The following TRIM24 variants were observed in gnomAD, a reference collection of about 807,000 sequenced individuals.
The protein encoded by TRIM24 is tripartite motif containing 24.
In TRIM24, 29 loss-of-function variants were observed where a neutral mutation model predicts 123.9. The ratio of observed to expected loss-of-function variants is 0.23; its 90% confidence interval spans 0.17 to 0.32. The LOEUF (loss-of-function observed/expected upper bound fraction) is 0.32. Ranked by LOEUF, TRIM24 falls within the 10% of genes least tolerant of loss-of-function variation. The pLI is 1.00. For missense variants in TRIM24, 932 were observed against 1,295.3 expected (o/e 0.72, Z 4.31); for synonymous variants, 456 against 461.1 (o/e 0.99, Z 0.14).
chr7:138,472,977 T>C (rs1186992760), intron 1 of TRIM24, among the ~76,000 whole-genome samples: 1 of 152,104 alleles, frequency 6.6e-6, no homozygotes, highest in African/African-American at 2.4e-5. Context: ...TCCCTTACGA[T>C]GGTTAATAAT....
In TRIM24 at chr7:138,554,603, G is replaced by A; in HGVS notation, c.1262-95G>A. 1.5e-6 allele frequency: 2 copies of A among 1,364,004 alleles called. No individual in the cohort carries two copies. Among genetic ancestry groups the A allele is most frequent in the Non-Finnish European group, 2.0e-6 (2 of 994,014 alleles). 84.5% of individuals were successfully genotyped at this position (1,364,004 alleles called of 1,614,324 possible). On this transcript the variant is annotated intron_variant, in intron 8 of 18. Transcript: ENST00000343526. This position sits in a 1 kb window ranked among gnomAD's most constrained non-coding sequence, Gnocchi z 4.5. The stretch of plus-strand genomic sequence containing the variant: ...GCTCATGAGATCAGAGAATTTCTTG[G>A]CAATTTTGAAGTTCTGCAAAAATAG...
intron 1 of TRIM24, among the ~76,000 whole-genome samples, chr7:138,503,724 C>T (rs1339290390): frequency 6.6e-6 from 1 of 151,650 alleles, no homozygotes; most frequent in Non-Finnish European, 1.5e-5. Context: ...GTGCTGCACC[C>T]GTTAACTGGT....
chr7:138,510,484 C>T (rs760591918), intron 2 of TRIM24, among the ~76,000 whole-genome samples: 16 of 151,984 alleles, frequency 1.1e-4, no homozygotes, highest in Non-Finnish European at 1.2e-4. Context: ...TGCAGTGGCG[C>T]GATCTTGGCT....
rs141918772 is a variant in TRIM24, at chr7:138,526,669, C to T, written c.881+1312C>T. ...TCAGGTGATCTGCCACCTCAGCCTC[C>T]CAAAGCACTGGGATTACAGGCGTGA... On this transcript the variant is annotated intron_variant, in intron 5 of 18. Transcript: ENST00000343526. Among the ~76,000 whole-genome samples the T allele has an allele frequency of 6.6e-5, 10 of 152,254 alleles. No homozygotes were observed. The East Asian group carries it at 1.9e-3, about 29-fold the overall frequency.
intron 9 of TRIM24, among the ~76,000 whole-genome samples, chr7:138,565,590 C>T (rs1457462437): frequency 1.3e-5 from 2 of 152,146 alleles, no homozygotes; most frequent in African/African-American, 2.4e-5. Flanking sequence ...CAATCCCGGG[C>T]GAGCCCCCAG....
intron 7 of TRIM24, chr7:138,545,555 G>T (rs970914181): frequency 1.1e-5 from 5 of 455,954 alleles, no homozygotes; most frequent in Non-Finnish European, 2.2e-5. Flanking sequence ...TGAACTTAGA[G>T]TTTTATTTTT....
rs1460368670 is a variant in TRIM24, at chr7:138,587,844, C to T, written c.*2893C>T. ...TGACCAGTGATATATATGGCCATGGCAAAAGTATAAATGGATGGATGTAGA... is the reference window on the plus strand; with the variant it reads ...TGACCAGTGATATATATGGCCATGGTAAAAGTATAAATGGATGGATGTAGA... On this transcript the variant is annotated 3_prime_UTR_variant, in exon 19 of 19. Coordinates refer to ENST00000343526, the MANE Select transcript of TRIM24 (RefSeq NM_015905.3). 1 of 152,068 alleles carries T rather than the reference C, an allele frequency of 6.6e-6. No individual in the cohort carries two copies. The highest frequency in any genetic ancestry group is 1.9e-4 in the East Asian group (1 of 5,180). 9.4% of individuals were successfully genotyped at this position (152,068 alleles called of 1,614,324 possible).
At chr7:138,486,743 T>C (rs1446411600) in intron 1 of TRIM24, among the ~76,000 whole-genome samples, 1 of 152,194 alleles carries the variant, frequency 6.6e-6, no homozygotes, top group Non-Finnish European at 1.5e-5. Flanking sequence ...ACTGTAGCCT[T>C]GTAGTGTACT....
intron 1 of TRIM24, among the ~76,000 whole-genome samples, chr7:138,482,414 T>A (rs527309730): frequency 1.3e-5 from 2 of 152,320 alleles, no homozygotes; most frequent in South Asian, 4.1e-4. Context: ...ATTGGGATTA[T>A]GAGAAATTGA....
intron 9 of TRIM24, among the ~76,000 whole-genome samples, chr7:138,558,832 G>C (rs1208760474): frequency 6.6e-6 from 1 of 152,204 alleles, no homozygotes; most frequent in Non-Finnish European, 1.5e-5. Context: ...TTTTCCAGTA[G>C]TTTCATATGT....
At chr7:138,499,294 C>A (rs574694008) in intron 1 of TRIM24, among the ~76,000 whole-genome samples, 1 of 152,246 alleles carries the variant, frequency 6.6e-6, no homozygotes, top group Admixed American at 6.5e-5. Context: ...GAAGGATGTT[C>A]ACTGTGTACT....
At chr7:138,463,047 T>G (rs1453749053) in intron 1 of TRIM24, among the ~76,000 whole-genome samples, 3 of 124,764 alleles carry the variant, frequency 2.4e-5, no homozygotes, top group African/African-American at 5.7e-5. Context: ...TTTTGTGTTT[T>G]TTTTTTTTTT....
chr7:138,549,167 A>G (rs1797161256), intron 7 of TRIM24, among the ~76,000 whole-genome samples: 1 of 152,250 alleles, frequency 6.6e-6, no homozygotes, highest in Non-Finnish European at 1.5e-5. Flanking sequence ...TGATGTTACA[A>G]CAGCTCCAGC....
chr7:138,478,188 T>C (rs558948909), intron 1 of TRIM24, among the ~76,000 whole-genome samples: 2 of 152,076 alleles, frequency 1.3e-5, no homozygotes, highest in African/African-American at 4.8e-5. Flanking sequence ...GGGAAAGATT[T>C]TTTGATGGGG....
intron 2 of TRIM24, among the ~76,000 whole-genome samples, chr7:138,510,628 C>T (rs1277882101): frequency 2.0e-5 from 3 of 152,022 alleles, no homozygotes; most frequent in Non-Finnish European, 4.4e-5. Flanking sequence ...CACCATGTTG[C>T]CCAGGCTGGT....
At chr7:138,535,764 C>CT (rs1372544795) in intron 6 of TRIM24, among the ~76,000 whole-genome samples, 2 of 152,132 alleles carry the variant, frequency 1.3e-5, no homozygotes, top group East Asian at 3.9e-4. Flanking sequence ...TGTTGGCCTG[C>CT]CTTGCTAGGT....
At chr7:138,576,729 A>G (rs1193541945) in intron 13 of TRIM24, among the ~76,000 whole-genome samples, 1 of 152,268 alleles carries the variant, frequency 6.6e-6, no homozygotes, top group Non-Finnish European at 1.5e-5. Flanking sequence ...GGCATAACAC[A>G]GTACACTATA....
At position 138,460,570 on chromosome 7, in the gene TRIM24, G is replaced by C. The variant is rs1794935889; in HGVS notation, c.22G>C (p.Ala8Pro). The C allele has an allele frequency of 2.3e-6, 3 of 1,313,418 alleles. No homozygotes were observed. Among genetic ancestry groups the C allele is most frequent in the Non-Finnish European group, 2.9e-6 (3 of 1,041,764 alleles). The allele number at this position is 1,313,418 out of a possible 1,614,324, so 81.4% of individuals were successfully genotyped here. A position where few individuals can be genotyped will look rare whatever the true frequency, so the allele number is the denominator to read the frequency against. MEVAVEK[A>P]VAAAAAASAA... ...GACAATGGAGGTGGCGGTGGAGAAG[G>C]CGGTGGCGGCGGCGGCAGCGGCCTC... The change falls in exon 1 of 19, where the codon GCG becomes CCG. Residue 8 changes from alanine (A) to proline (P), a missense_variant. Around this residue, in one of 7 missense-constraint regions of TRIM24, gnomAD observed 164 missense variants for 181.9 expected, o/e 0.90. Coordinates refer to ENST00000343526, the MANE Select transcript of TRIM24 (RefSeq NM_015905.3).
At chr7:138,545,717 T>C (rs1004772531) in intron 7 of TRIM24, among the ~76,000 whole-genome samples, 1 of 152,010 alleles carries the variant, frequency 6.6e-6, no homozygotes, top group African/African-American at 2.4e-5. Context: ...GGGGGGAAAG[T>C]AAAAGTTGTG....
Sources: allele counts gnomAD v4.1 joint callset (sites outside exome capture counted in the v4.1 genomes callset), GRCh38; gene constraint gnomAD v4.1.1; regional missense constraint gnomAD v4.1.1; non-coding constraint Gnocchi (gnomAD v3.1); transcripts MANE v1.5; gene names NCBI Gene and HGNC (gene_info 2026-07-23, HGNC 2026-07-21).